Variants in INPP4B observed in about 807,000 individuals in gnomAD.
INPP4B encodes inositol polyphosphate-4-phosphatase type II B, also known as inositol polyphosphate 4-phosphatase type II.
Under a neutral mutation model 122.5 loss-of-function variants are expected in INPP4B, and 55 were observed. The observed-to-expected ratio is 0.45, with a 90% CI of 0.36 to 0.56. The LOEUF is 0.56. Ranked by LOEUF, INPP4B falls within the 20% of genes least tolerant of loss-of-function variation. The pLI is 0.00. For synonymous variants in INPP4B, 403 were observed against 388.7 expected (o/e 1.04, Z -0.43); for missense variants, 1,000 against 1,097.7 (o/e 0.91, Z 1.26).
At chr4:142,306,281 A>G (rs1383821752) in intron 8 of INPP4B, among the ~76,000 whole-genome samples, 2 of 148,630 alleles carry the variant, frequency 1.3e-5, no homozygotes, top group Non-Finnish European at 3.0e-5. Flanking sequence ...ATCTCTTTCT[A>G]ATATCCCTGG....
intron 1 of INPP4B, among the ~76,000 whole-genome samples, chr4:142,841,464 T>C (rs1326114362): frequency 6.6e-6 from 1 of 152,002 alleles, no homozygotes; most frequent in Non-Finnish European, 1.5e-5. Context: ...GAGTATATTC[T>C]ATTTAATTCA....
intron 1 of INPP4B, among the ~76,000 whole-genome samples, chr4:142,817,790 C>T (rs190141456): frequency 1.2e-4 from 18 of 152,186 alleles, no homozygotes; most frequent in East Asian, 1.2e-3. Flanking sequence ...CTTTATACTT[C>T]GGGTTTATTT....
At chr4:142,546,991 C>T (rs1829715263) in intron 2 of INPP4B, among the ~76,000 whole-genome samples, 1 of 151,884 alleles carries the variant, frequency 6.6e-6, no homozygotes, top group South Asian at 2.1e-4. Context: ...ATTATTTTAC[C>T]TAGATTATTT....
chr4:142,633,518 T>G (rs960773894), intron 2 of INPP4B, among the ~76,000 whole-genome samples: 3 of 152,122 alleles, frequency 2.0e-5, no homozygotes, highest in Non-Finnish European at 4.4e-5. Context: ...GAATTAAAAT[T>G]ATACAAAACA....
At chr4:142,440,514 T>A (rs766837346) in intron 3 of INPP4B, among the ~76,000 whole-genome samples, 1 of 152,198 alleles carries the variant, frequency 6.6e-6, no homozygotes, top group Admixed American at 6.5e-5. Flanking sequence ...TTTCCTAATG[T>A]TTTTTATCCT....
At chr4:142,462,628 G>A (rs973996800) in intron 3 of INPP4B, 35 bp downstream of exon 3, 5 of 152,144 alleles carry the variant, frequency 3.3e-5, no homozygotes, top group Non-Finnish European at 5.9e-5. Flanking sequence ...TGAATACAAT[G>A]TGTTGATGTT....
rs1226205477 is a variant in INPP4B, at chr4:142,025,474, G to A, written c.*3308C>T. The A allele has an allele frequency of 1.3e-5, 2 of 151,934 alleles. No individual in the cohort carries two copies. The highest frequency in any genetic ancestry group is 2.4e-5 in the African/African-American group (1 of 41,356). The allele number at this position is 151,934 out of a possible 1,614,324, so 9.4% of individuals were successfully genotyped here. On this transcript the variant is annotated 3_prime_UTR_variant, in exon 26 of 26. Coordinates refer to ENST00000262992, the MANE Select transcript of INPP4B (RefSeq NM_001101669.3). ...TAACAACTAGCTTACAAAATTTCTG[G>A]TACTTTAATTATCAACTTTTATGCA...
chr4:142,327,488 G>A (rs1050047148), intron 7 of INPP4B, among the ~76,000 whole-genome samples: 3 of 151,962 alleles, frequency 2.0e-5, no homozygotes, highest in Non-Finnish European at 4.4e-5. Flanking sequence ...GGCTTTCAAG[G>A]TAGCTCTCCA....
chr4:142,598,640 G>A (rs909120478), intron 2 of INPP4B, among the ~76,000 whole-genome samples: 3 of 152,092 alleles, frequency 2.0e-5, no homozygotes, highest in Admixed American at 6.5e-5. Context: ...CAGCCCCTAG[G>A]GCAAAGGAAA....
intron 1 of INPP4B, among the ~76,000 whole-genome samples, chr4:142,773,569 C>T (rs1773416427): frequency 6.6e-6 from 1 of 152,124 alleles, no homozygotes; most frequent in Non-Finnish European, 1.5e-5. Flanking sequence ...ATTATTTTTA[C>T]TGGAAGAGCT....
At chr4:142,157,831 C>T (rs907062107) in intron 17 of INPP4B, among the ~76,000 whole-genome samples, 3 of 152,042 alleles carry the variant, frequency 2.0e-5, no homozygotes, top group African/African-American at 4.8e-5. Flanking sequence ...CTCATTTCTT[C>T]GGTGCCTATT....
At chr4:142,667,605 T>C (rs1430505527) in intron 2 of INPP4B, among the ~76,000 whole-genome samples, 1 of 152,092 alleles carries the variant, frequency 6.6e-6, no homozygotes, top group Non-Finnish European at 1.5e-5. Flanking sequence ...CTCTAGGGGG[T>C]TATTTTGAGA....
At chr4:142,829,712 A>G (rs1781882322) in intron 1 of INPP4B, among the ~76,000 whole-genome samples, 1 of 152,228 alleles carries the variant, frequency 6.6e-6, no homozygotes, top group Non-Finnish European at 1.5e-5. Flanking sequence ...TTGAAATTGT[A>G]TAACATTATC....
chr4:142,342,898 T>C (rs1486505499), intron 7 of INPP4B, among the ~76,000 whole-genome samples: 1 of 152,110 alleles, frequency 6.6e-6, no homozygotes, highest in Admixed American at 6.6e-5. Flanking sequence ...TTATTACTTA[T>C]GTGGATGCGT....
chr4:142,813,778 T>G (rs1282400861), intron 1 of INPP4B, among the ~76,000 whole-genome samples: 1 of 152,168 alleles, frequency 6.6e-6, no homozygotes, highest in Non-Finnish European at 1.5e-5. Context: ...AAGTAACTGA[T>G]GTAACCTCTT....
At chr4:142,808,493 C>A (rs1779123296) in intron 1 of INPP4B, among the ~76,000 whole-genome samples, 1 of 152,158 alleles carries the variant, frequency 6.6e-6, no homozygotes, top group South Asian at 2.1e-4. Context: ...CTCAGCTGTA[C>A]TTCCCACTGT....
intron 2 of INPP4B, among the ~76,000 whole-genome samples, chr4:142,628,232 TA>T (rs898810422): frequency 2.7e-5 from 4 of 148,328 alleles, no homozygotes; most frequent in African/African-American, 7.4e-5. Context: ...TATGCAGCCA[TA>T]AAAAATGATG....
chr4:142,062,035 T>C (rs1306751316), intron 25 of INPP4B, among the ~76,000 whole-genome samples: 2 of 151,932 alleles, frequency 1.3e-5, no homozygotes, highest in Non-Finnish European at 2.9e-5. Flanking sequence ...GGATCACAAG[T>C]CTTGCAAGTA....
chr4:142,398,705 C>T (rs1162298299), intron 7 of INPP4B, among the ~76,000 whole-genome samples: 1 of 151,906 alleles, frequency 6.6e-6, no homozygotes, highest in Non-Finnish European at 1.5e-5. Context: ...GGGAACTGCT[C>T]TAGAACTAAA....
Sources: allele counts gnomAD v4.1 joint callset (sites outside exome capture counted in the v4.1 genomes callset), GRCh38; gene constraint gnomAD v4.1.1; transcripts MANE v1.5; gene names NCBI Gene and HGNC (gene_info 2026-07-23, HGNC 2026-07-21).